CELSR1: variants seen among roughly 807,000 people sequenced by gnomAD.
CELSR1 encodes the protein adhesion G protein-coupled receptor C1.
A neutral mutation model predicts 249.1 loss-of-function variants in CELSR1; 110 were observed. The ratio of observed to expected loss-of-function variants is 0.44; its 90% CI spans 0.38 to 0.52. The LOEUF is 0.52. CELSR1 is among the 20% of genes least tolerant of loss of function. CELSR1 has a pLI of 0.00. For missense variants in CELSR1, 4,109 were observed against 4,296.4 expected (o/e 0.96, Z 1.22); for synonymous variants, 2,113 against 1,900.0 (o/e 1.11, Z -2.92).
In CELSR1 at chr22:46,430,063, A is replaced by C. The variant is rs1056467843; in HGVS notation, c.4611+3330T>G. 1.3e-5 allele frequency among the ~76,000 whole-genome samples: 2 copies of C among 152,180 alleles called. No individual in the cohort carries two copies. Among genetic ancestry groups the C allele is most frequent in the Non-Finnish European group, 2.9e-5 (2 of 68,018 alleles). Reference sequence around the variant, plus strand: ...TGGTGGGTGGGGGAAGGGTCCCCGCAGGTTGCACGTGGAGGCAGTGCAGGA... The same window carrying C: ...TGGTGGGTGGGGGAAGGGTCCCCGCCGGTTGCACGTGGAGGCAGTGCAGGA... On this transcript the variant is annotated intron_variant, in intron 5 of 34. Transcript: ENST00000674500. The surrounding 1 kb of genome is among the most constrained non-coding windows in gnomAD (Gnocchi z 4.6).
chr22:46,505,261 C>CAAAAAAAAAAAA (rs3081585), intron 1 of CELSR1, among the ~76,000 whole-genome samples: 1 of 62,550 alleles, frequency 1.6e-5, no homozygotes, highest in African/African-American at 6.9e-5. Context: ...GACTCTGTCT[C>CAAAAAAAAAAAA]AAAAAAAAAA....
chr22:46,527,666 C>A lies in CELSR1; in HGVS notation c.3544+5961G>T, dbSNP rs929856981. Among the ~76,000 whole-genome samples, 1 of 152,200 alleles carries A rather than the reference C, an allele frequency of 6.6e-6. No individual in the cohort carries two copies. Among genetic ancestry groups the A allele is most frequent in the African/African-American group, 2.4e-5 (1 of 41,446 alleles). ...ACTCCTTATTTCTGAGGCAGTGTTT[C>A]TCAAGGTATGAGCAAGCCACTGTCT... On this transcript the variant is annotated intron_variant, in intron 1 of 34. Transcript: ENST00000674500. This position sits in a 1 kb window ranked among gnomAD's most constrained non-coding sequence, Gnocchi z 5.5.
chr22:46,429,949 C>T lies in CELSR1; in HGVS notation c.4611+3444G>A, dbSNP rs1344460821. Among the ~76,000 whole-genome samples, 2 of 152,252 alleles carry T rather than the reference C, an allele frequency of 1.3e-5. No individual in the cohort carries two copies. The highest frequency in any genetic ancestry group is 4.8e-5 in the African/African-American group (2 of 41,470). ...GCCCAGCCCTTTGTAAATAACCCTT[C>T]CAGGGCTGGTCCCACTGGAGCACCC... is the stretch of plus-strand genomic sequence containing the variant. On this transcript the variant is annotated intron_variant, in intron 5 of 34. Transcript: ENST00000674500. This position sits in a 1 kb window ranked among gnomAD's most constrained non-coding sequence, Gnocchi z 4.1.
In CELSR1 at chr22:46,534,342, G is replaced by C. The variant is rs35087594; in HGVS notation, c.2829C>G (p.Ile943Met). 1 of 1,612,990 alleles carries C rather than the reference G, an allele frequency of 6.2e-7. No individual in the cohort carries two copies. Residue 943 changes from isoleucine (I) to methionine (M), a missense_variant, in exon 1 of 35, where the codon ATC becomes ATG. Coordinates refer to ENST00000674500, the MANE Select transcript of CELSR1 (RefSeq NM_001378328.1). The surrounding 1 kb of genome is among the most constrained non-coding windows in gnomAD (Gnocchi z 9.7). ...TGCGAATCACACCGGACGTGGGCTCGATGTAGAAGTCCCCATCGCCGTCGT... is the reference window on the plus strand; with the variant it reads ...TGCGAATCACACCGGACGTGGGCTCCATGTAGAAGTCCCCATCGCCGTCGT... ...GGDDGDGDFY[I>M]EPTSGVIRTQ... is the part of the protein sequence containing the mutation.
intron 2 of CELSR1, among the ~76,000 whole-genome samples, chr22:46,443,909 T>C (rs936567245): frequency 6.6e-6 from 1 of 152,262 alleles, no homozygotes; most frequent in Non-Finnish European, 1.5e-5. Flanking sequence ...TGGGAGTGTT[T>C]GCTTTCCAAG....
intron 1 of CELSR1, among the ~76,000 whole-genome samples, chr22:46,496,788 T>C (rs779616026): frequency 3.9e-4 from 60 of 152,276 alleles, no homozygotes; most frequent in Non-Finnish European, 6.9e-4. Context: ...TGTCACCATC[T>C]ATACTAATAA....
chr22:46,537,211 C>G lies in CELSR1; in HGVS notation c.-41G>C. 9.8e-7 allele frequency: 1 copy of G among 1,017,268 alleles called. No individual in the cohort carries two copies. The highest frequency in any genetic ancestry group is 1.2e-6 in the Non-Finnish European group (1 of 852,396). 63.0% of individuals were successfully genotyped at this position (1,017,268 alleles called of 1,614,324 possible). A position where few individuals can be genotyped will look rare whatever the true frequency, so the allele number is the denominator to read the frequency against. ...CCCGAGCCGGGCGCCCGAACACAATCCATGCACCCGGCGCGCCTCCGCATC... is the reference window on the plus strand; with the variant it reads ...CCCGAGCCGGGCGCCCGAACACAATGCATGCACCCGGCGCGCCTCCGCATC... On this transcript the variant is annotated 5_prime_UTR_variant, in exon 1 of 35. Transcript: ENST00000674500. This position sits in a 1 kb window ranked among gnomAD's most constrained non-coding sequence, Gnocchi z 5.8.
chr22:46,366,416 T>G lies in CELSR1; in HGVS notation c.8270A>C (p.Glu2757Ala), dbSNP rs1490532055. The stretch of plus-strand genomic sequence containing the variant: ...GATGCTGTCCAGCGAGGCGGTGGAC[T>G]CGCCCAAGTCTGTGCGCAGCATGTC... ...GPDMLRTDLG[E>A]STASLDSIVR... Residue 2757 changes from glutamate (E) to alanine (A), a missense_variant, in exon 30 of 35, where the codon GAG (glutamate) becomes GCG (alanine). Around this residue, in one of 7 missense-constraint regions of CELSR1, gnomAD observed 1,805 missense variants for 1,831.6 expected, o/e 0.99. Transcript: ENST00000674500. 6.5e-7 allele frequency: 1 copy of G among 1,549,584 alleles called. No homozygotes were observed. Among genetic ancestry groups the G allele is most frequent in the African/African-American group, 1.4e-5 (1 of 72,806 alleles).
Position 46,409,991 on chromosome 22 carries a change from A to T in CELSR1, c.4934-111T>A, listed in dbSNP as rs1025272931. On this transcript the variant is annotated intron_variant, in intron 7 of 34. Coordinates refer to ENST00000674500, the MANE Select transcript of CELSR1 (RefSeq NM_001378328.1). This position sits in a 1 kb window ranked among gnomAD's most constrained non-coding sequence, Gnocchi z 9.8. ...CGGAATGGACCCGGGGCTGGACAGA[A>T]GTCAGACCAGGTCTGAACGCCCCTG... 6.9e-7 allele frequency: 1 copy of T among 1,448,910 alleles called. No individual in the cohort carries two copies. Among genetic ancestry groups the T allele is most frequent in the African/African-American group, 1.4e-5 (1 of 71,628 alleles). 89.8% of individuals were successfully genotyped at this position (1,448,910 alleles called of 1,614,324 possible). A position where few individuals can be genotyped will look rare whatever the true frequency, so the allele number is the denominator to read the frequency against.
chr22:46,503,986 C>G (rs1362160237), intron 1 of CELSR1, among the ~76,000 whole-genome samples: 1 of 152,060 alleles, frequency 6.6e-6, no homozygotes, highest in African/African-American at 2.4e-5. Context: ...TGAGCTATGA[C>G]AGTACCATGC....
At chr22:46,455,708 C>T (rs1038830484) in intron 2 of CELSR1, among the ~76,000 whole-genome samples, 4 of 152,184 alleles carry the variant, frequency 2.6e-5, no homozygotes, top group East Asian at 1.9e-4. Flanking sequence ...GTGTGAGGAC[C>T]GTGCTGGGCT....
chr22:46,431,183 G>A (rs991724626), intron 5 of CELSR1, among the ~76,000 whole-genome samples: 2 of 152,236 alleles, frequency 1.3e-5, no homozygotes, highest in Non-Finnish European at 1.5e-5. Flanking sequence ...GACAGTGCAG[G>A]TGGCGTCCTG....
Position 46,429,262 on chromosome 22 carries a change from A to G in CELSR1, c.4611+4131T>C, listed in dbSNP as rs1047636274. The stretch of plus-strand genomic sequence containing the variant: ...ATAATGAGGGCAAAACCGATTCTCA[A>G]GTGGGGAGAACGTTTTCCGTCAGGC... On this transcript the variant is annotated intron_variant, in intron 5 of 34. Coordinates refer to ENST00000674500, the MANE Select transcript of CELSR1 (RefSeq NM_001378328.1). The surrounding 1 kb of genome is among the most constrained non-coding windows in gnomAD (Gnocchi z 4.1). Among the ~76,000 whole-genome samples the G allele has an allele frequency of 6.6e-6, 1 of 152,158 alleles. No homozygotes were observed.
rs1047188281 is a variant in CELSR1 at position 46,417,199 on chromosome 22, C to T, written c.4612-5440G>A. On this transcript the variant is annotated intron_variant, in intron 5 of 34. Coordinates refer to ENST00000674500, the MANE Select transcript of CELSR1 (RefSeq NM_001378328.1). The surrounding 1 kb of genome is among the most constrained non-coding windows in gnomAD (Gnocchi z 4.1). ...GCCCCAGGAAATGTGGGCAAGACCC[C>T]GTGCCAGTTCTGGCATGGAGACGAC... is the stretch of plus-strand genomic sequence containing the variant. Among the ~76,000 whole-genome samples, 1 of 152,328 alleles carries T rather than the reference C, an allele frequency of 6.6e-6. No homozygotes were observed. The highest frequency in any genetic ancestry group is 2.1e-4 in the South Asian group (1 of 4,830).
chr22:46,533,362 C>T (rs1263823876), intron 1 of CELSR1, among the ~76,000 whole-genome samples: 4 of 152,366 alleles, frequency 2.6e-5, no homozygotes, highest in African/African-American at 7.2e-5. Context: ...CTGAGGAAGG[C>T]GCTGATCCCC....
chr22:46,514,542 G>A (rs948275966), intron 1 of CELSR1, among the ~76,000 whole-genome samples: 1 of 152,132 alleles, frequency 6.6e-6, no homozygotes, highest in Non-Finnish European at 1.5e-5. Flanking sequence ...TGTGGCCTGA[G>A]GACACCCCAA....
At position 46,437,493 on chromosome 22, in the gene CELSR1, CG is replaced by C. The variant is rs1175274356; in HGVS notation, c.4407-1205del. Among the ~76,000 whole-genome samples the C allele has an allele frequency of 6.6e-6, 1 of 152,218 alleles. No individual in the cohort carries two copies. The highest frequency in any genetic ancestry group is 1.5e-5 in the Non-Finnish European group (1 of 68,042). On this transcript the variant is annotated intron_variant, in intron 3 of 34. Coordinates refer to ENST00000674500, the MANE Select transcript of CELSR1 (RefSeq NM_001378328.1). The surrounding 1 kb of genome is among the most constrained non-coding windows in gnomAD (Gnocchi z 4.9). ...ATGGTTTCGGCTGGCCGGTGGCTCACGCCTGTAATCCCAGCACTTTGGGAGG... is the reference window on the plus strand; with the variant it reads ...ATGGTTTCGGCTGGCCGGTGGCTCACCCTGTAATCCCAGCACTTTGGGAGG...
intron 23 of CELSR1, 161 bp from the exon 24 acceptor site, chr22:46,377,422 G>A (rs2078931250): frequency 2.7e-6 from 2 of 749,874 alleles, no homozygotes; most frequent in Admixed American, 2.3e-5. Flanking sequence ...TCTGGGCCTG[G>A]AACTGCCCCT....
chr22:46,369,041 T>A, intron 27 of CELSR1, 138 bp downstream of exon 27: 1 of 708,244 alleles, frequency 1.4e-6, no homozygotes, highest in Non-Finnish European at 2.4e-6. Flanking sequence ...TCTGGAGCCC[T>A]GGGGCTCACC....
Sources: gnomAD v4.1 joint callset for allele counts (sites outside exome capture counted in the v4.1 genomes callset) on GRCh38, gnomAD v4.1.1 for gene constraint, gnomAD v4.1.1 regional missense constraint, Gnocchi (gnomAD v3.1) non-coding constraint, MANE v1.5 for transcripts, NCBI Gene and HGNC (gene_info 2026-07-23, HGNC 2026-07-21) for gene names.